The following FSTL4 variants were observed in gnomAD, a reference collection of about 807,000 sequenced individuals.
FSTL4 encodes follistatin like 4, also known as follistatin-related protein 4.
In FSTL4, 28 loss-of-function variants were observed where a neutral mutation model predicts 78.2. The observed-to-expected ratio is 0.36, with a 90% CI of 0.27 to 0.49. The LOEUF (loss-of-function observed/expected upper bound fraction) is 0.49, where lower values mean the gene tolerates loss of function less well. FSTL4 is among the 20% of genes least tolerant of loss of function. The pLI is 0.98. For missense variants in FSTL4, 922 were observed against 1,084.9 expected (o/e 0.85, Z 2.11); for synonymous variants, 422 against 440.5 (o/e 0.96, Z 0.53).
chr5:133,617,019 G>A (rs1422451084), upstream of FSTL4, among the ~76,000 whole-genome samples: 1 of 152,172 alleles, frequency 6.6e-6, no homozygotes, highest in Non-Finnish European at 1.5e-5. Context: ...AGTCCTGTCT[G>A]GCTGGGCATG....
the FSTL4 span, among the ~76,000 whole-genome samples, chr5:133,669,820 C>G: frequency 3.3e-5 from 5 of 152,326 alleles, no homozygotes; most frequent in East Asian, 9.6e-4. Flanking sequence ...CAGCCCATGC[C>G]CTAGGCTAAC....
Position 133,217,705 on chromosome 5 carries a change from A to G in FSTL4, c.1459-327T>C, listed in dbSNP as rs114686588. 9.6e-3 allele frequency among the ~76,000 whole-genome samples: 1,467 copies of G among 152,160 alleles called. 13 individuals carry two copies. The highest frequency in any genetic ancestry group is 0.016 in the Non-Finnish European group (1,066 of 67,992). On this transcript the variant is annotated intron_variant, in intron 12 of 15. Transcript: ENST00000265342. The stretch of plus-strand genomic sequence containing the variant: ...GGCCAAACTTCTGAAAGAGTTGCCT[A>G]TACTCCTTCTCCACTTCCCACCTCT...
chr5:133,782,409 T>C, the FSTL4 span, among the ~76,000 whole-genome samples: 2 of 152,224 alleles, frequency 1.3e-5, no homozygotes, highest in South Asian at 4.1e-4. Context: ...AGTGGGGCTG[T>C]CGTTTTCTGT....
At chr5:133,746,383 G>T in the FSTL4 span, among the ~76,000 whole-genome samples, 1 of 151,964 alleles carries the variant, frequency 6.6e-6, no homozygotes, top group Admixed American at 6.6e-5. Context: ...GGCATGAGCA[G>T]ACAGCTATTT....
chr5:133,452,354 G>T (rs1219914449), intron 3 of FSTL4, among the ~76,000 whole-genome samples: 1 of 152,238 alleles, frequency 6.6e-6, no homozygotes, highest in Non-Finnish European at 1.5e-5. Context: ...AGGCGACAAA[G>T]GTATTTGTGT....
chr5:133,665,323 G>A, the FSTL4 span, among the ~76,000 whole-genome samples: 46 of 152,306 alleles, frequency 3.0e-4, 1 homozygote, highest in African/African-American at 9.4e-4. Flanking sequence ...TGGTGACCAG[G>A]AATCAATTCG....
At chr5:133,384,511 T>C (rs1183367462) in intron 4 of FSTL4, among the ~76,000 whole-genome samples, 5 of 152,208 alleles carry the variant, frequency 3.3e-5, no homozygotes, top group Non-Finnish European at 5.9e-5. Context: ...GTTAGAACCA[T>C]CCTGGGGTGG....
the FSTL4 span, among the ~76,000 whole-genome samples, chr5:133,832,930 G>A: frequency 6.6e-6 from 1 of 152,008 alleles, no homozygotes; most frequent in African/African-American, 2.4e-5. Flanking sequence ...ACCAAAATTT[G>A]AATTTCATAT....
intron 4 of FSTL4, among the ~76,000 whole-genome samples, chr5:133,398,817 A>C (rs987757722): frequency 2.0e-5 from 3 of 152,168 alleles, no homozygotes; most frequent in Non-Finnish European, 2.9e-5. Flanking sequence ...TCTTTCTGGG[A>C]GCTCACAGGC....
chr5:133,448,626 C>A (rs1333674663), intron 3 of FSTL4, among the ~76,000 whole-genome samples: 1 of 149,918 alleles, frequency 6.7e-6, no homozygotes, highest in Non-Finnish European at 1.5e-5. Flanking sequence ...ACCATGACAC[C>A]ATTGGGAACA....
At chr5:133,240,735 T>G (rs1751843308) in intron 7 of FSTL4, among the ~76,000 whole-genome samples, 1 of 152,184 alleles carries the variant, frequency 6.6e-6, no homozygotes, top group Admixed American at 6.5e-5. Flanking sequence ...CAGCGTGTCA[T>G]GTGGTTCCTG....
At chr5:133,825,571 T>G in the FSTL4 span, among the ~76,000 whole-genome samples, 1 of 152,112 alleles carries the variant, frequency 6.6e-6, no homozygotes, top group Non-Finnish European at 1.5e-5. Context: ...TTCCCACTGA[T>G]GAAAAATAAA....
rs568221607 is a variant in FSTL4 at position 133,423,522 on chromosome 5, T to C, written c.161-22536A>G. On this transcript the variant is annotated intron_variant, in intron 3 of 15. Transcript: ENST00000265342. Reference sequence around the variant, plus strand: ...TGCTGCTATGTGAGGAGTTAGCCCCTGCTACAGGAGCGACAGAGTGCATGG... The same window carrying C: ...TGCTGCTATGTGAGGAGTTAGCCCCCGCTACAGGAGCGACAGAGTGCATGG... 1.1e-4 allele frequency among the ~76,000 whole-genome samples: 17 copies of C among 152,298 alleles called. No homozygotes were observed. The South Asian group carries it at 3.5e-3, about 32-fold the overall frequency.
At chr5:133,657,785 T>G in the FSTL4 span, among the ~76,000 whole-genome samples, 3 of 151,188 alleles carry the variant, frequency 2.0e-5, no homozygotes, top group Non-Finnish European at 3.0e-5. Flanking sequence ...GTTTTTTTTT[T>G]TTTTTACCAA....
At position 133,361,730 on chromosome 5, in the gene FSTL4, G is replaced by T. The variant is rs553672908; in HGVS notation, c.409+39008C>A. On this transcript the variant is annotated intron_variant, in intron 4 of 15. Transcript: ENST00000265342. The surrounding 1 kb of genome is among the most constrained non-coding windows in gnomAD (Gnocchi z 4.3). ...AGTGGGGCAGAACTGCCTTGTAGTG[G>T]TTTTTTTGGCAATCACTGGGGCATT... Among the ~76,000 whole-genome samples, 1 of 152,228 alleles carries T rather than the reference G, an allele frequency of 6.6e-6. No homozygotes were observed. Among genetic ancestry groups the T allele is most frequent in the African/African-American group, 2.4e-5 (1 of 41,530 alleles).
At chr5:133,288,324 C>T (rs547738263) in intron 6 of FSTL4, among the ~76,000 whole-genome samples, 10 of 152,242 alleles carry the variant, frequency 6.6e-5, no homozygotes, top group Admixed American at 2.0e-4. Context: ...CCCTCTGTCC[C>T]GGGGGTCCCC....
At chr5:133,375,740 G>A (rs1755418780) in intron 4 of FSTL4, among the ~76,000 whole-genome samples, 1 of 152,140 alleles carries the variant, frequency 6.6e-6, no homozygotes, top group African/African-American at 2.4e-5. Context: ...CTAGAAATCT[G>A]GCTTTCTGTC....
intron 8 of FSTL4, among the ~76,000 whole-genome samples, chr5:133,229,919 A>G (rs1751443557): frequency 6.6e-6 from 1 of 152,228 alleles, no homozygotes; most frequent in Non-Finnish European, 1.5e-5. Flanking sequence ...TGAGTGAGAC[A>G]GTCACTTCCA....
chr5:133,226,046 C>T (rs1751322938), intron 8 of FSTL4: 5 of 369,158 alleles, frequency 1.4e-5, no homozygotes. Flanking sequence ...CCCTATGACT[C>T]ATGGCTTTCA....
Sources: gnomAD v4.1 joint callset for allele counts (sites outside exome capture counted in the v4.1 genomes callset) on GRCh38, gnomAD v4.1.1 for gene constraint, Gnocchi (gnomAD v3.1) non-coding constraint, MANE v1.5 for transcripts, NCBI Gene and HGNC (gene_info 2026-07-23, HGNC 2026-07-21) for gene names.